Variants in CCDC192 observed in about 807,000 individuals in gnomAD.
CCDC192 encodes the protein coiled-coil domain-containing protein 192.
In CCDC192 at chr5:127,911,459, T is replaced by TC. The variant is rs1301475453; in HGVS notation, c.536-29721dup. Among the ~76,000 whole-genome samples, 11 of 152,332 alleles carry TC rather than the reference T, an allele frequency of 7.2e-5. No homozygotes were observed. In the South Asian group the frequency reaches 1.2e-3, roughly 17 times the overall value. ...GTAATACTAATGGACAAATCCTGCATCCTTTTCTTTGAAGTGATCAAAAGA... is the reference window on the plus strand; with the variant it reads ...GTAATACTAATGGACAAATCCTGCATCCCTTTTCTTTGAAGTGATCAAAAGA... On this transcript the variant is annotated intron_variant, in intron 6 of 6. Coordinates refer to ENST00000514853, the MANE Select transcript of CCDC192 (RefSeq NM_001317938.2).
At chr5:127,879,344 C>A (rs1752252616) in intron 6 of CCDC192, among the ~76,000 whole-genome samples, 1 of 144,128 alleles carries the variant, frequency 6.9e-6, no homozygotes, top group Non-Finnish European at 1.5e-5. Context: ...GGAAAGGATT[C>A]CCTATTTAAT....
chr5:127,805,826 A>T (rs1160872545), intron 5 of CCDC192, among the ~76,000 whole-genome samples: 1 of 152,174 alleles, frequency 6.6e-6, no homozygotes, highest in East Asian at 1.9e-4. Flanking sequence ...TTAGCCCCTC[A>T]TTTTAACCCT....
chr5:127,735,497 G>C (rs1752926229), intron 2 of CCDC192, among the ~76,000 whole-genome samples: 1 of 115,120 alleles, frequency 8.7e-6, no homozygotes, highest in South Asian at 2.8e-4. Context: ...GGATGGCATT[G>C]AATCTGTAAA....
chr5:127,811,691 TC>T (rs1758091815), intron 5 of CCDC192, among the ~76,000 whole-genome samples: 1 of 152,174 alleles, frequency 6.6e-6, no homozygotes. Flanking sequence ...TATCTTTTAC[TC>T]CCCAGTGATA....
At chr5:127,718,554 G>A (rs1360730720) in intron 2 of CCDC192, among the ~76,000 whole-genome samples, 1 of 152,168 alleles carries the variant, frequency 6.6e-6, no homozygotes, top group Non-Finnish European at 1.5e-5. Flanking sequence ...ATGTATAGAA[G>A]GAAGGGAATT....
At chr5:127,815,556 T>C (rs550989048) in intron 5 of CCDC192, among the ~76,000 whole-genome samples, 24 of 151,518 alleles carry the variant, frequency 1.6e-4, no homozygotes, top group African/African-American at 4.9e-4. Context: ...CCCACAGGAG[T>C]CTAAGGAGTT....
At chr5:127,753,147 T>C (rs1754331999) in intron 2 of CCDC192, among the ~76,000 whole-genome samples, 1 of 152,116 alleles carries the variant, frequency 6.6e-6, no homozygotes, top group Admixed American at 6.5e-5. Context: ...CAGTTCATTG[T>C]TTGTGGGGTT....
intron 4 of CCDC192, among the ~76,000 whole-genome samples, chr5:127,797,521 C>T (rs1305655804): frequency 2.6e-5 from 4 of 151,496 alleles, no homozygotes; most frequent in Non-Finnish European, 4.4e-5. Context: ...GTACAAATGT[C>T]TCTTAGTTGT....
At chr5:127,806,651 A>T (rs902193874) in intron 5 of CCDC192, among the ~76,000 whole-genome samples, 1 of 152,086 alleles carries the variant, frequency 6.6e-6, no homozygotes, top group African/African-American at 2.4e-5. Context: ...ATCCCTATTT[A>T]CTTGCTGAAA....
At chr5:127,816,987 A>G (rs1484463746) in intron 5 of CCDC192, among the ~76,000 whole-genome samples, 3 of 152,202 alleles carry the variant, frequency 2.0e-5, no homozygotes, top group Admixed American at 6.6e-5. Flanking sequence ...TTGTCCTTCA[A>G]TATATCTGGA....
At chr5:127,883,681 AAATGTT>A (rs778906917) in intron 6 of CCDC192, among the ~76,000 whole-genome samples, 29 of 152,224 alleles carry the variant, frequency 1.9e-4, no homozygotes, top group Non-Finnish European at 3.4e-4. Context: ...AGATCTCAGG[AAATGTT>A]ACTTCTTCCA....
At chr5:127,869,032 A>C (rs1580774645) in intron 5 of CCDC192, among the ~76,000 whole-genome samples, 1 of 152,300 alleles carries the variant, frequency 6.6e-6, no homozygotes, top group South Asian at 2.1e-4. Context: ...TGCTACAAAA[A>C]TGAAATGAGG....
At chr5:127,738,044 G>C (rs1447365769) in intron 2 of CCDC192, among the ~76,000 whole-genome samples, 1 of 151,860 alleles carries the variant, frequency 6.6e-6, no homozygotes, top group Non-Finnish European at 1.5e-5. Flanking sequence ...CTTACATTTT[G>C]GCATGATTTT....
intron 2 of CCDC192, among the ~76,000 whole-genome samples, chr5:127,735,712 T>A (rs1752944200): frequency 7.7e-6 from 1 of 130,714 alleles, no homozygotes; most frequent in African/African-American, 3.5e-5. Flanking sequence ...AGTTCACTCA[T>A]GATTTGGCTC....
In CCDC192 at chr5:127,937,950, A is replaced by G. The variant is rs994330307; in HGVS notation, c.536-3232A>G. On this transcript the variant is annotated intron_variant, in intron 6 of 6. Transcript: ENST00000514853. ...GAGAGAAAAGATGGAAGGAGAAGTC[A>G]AAGAGGAAGAAGACGTCAGACAGGC... is the stretch of plus-strand genomic sequence containing the variant. 2.0e-5 allele frequency among the ~76,000 whole-genome samples: 3 copies of G among 152,184 alleles called. No homozygotes were observed. In the South Asian group the frequency reaches 6.2e-4, roughly 32 times the overall value.
chr5:127,921,568 A>G (rs1245624242), intron 6 of CCDC192, among the ~76,000 whole-genome samples: 3 of 152,264 alleles, frequency 2.0e-5, no homozygotes, highest in Admixed American at 6.5e-5. Flanking sequence ...ATAAATGCTC[A>G]GAAGTCCAAA....
intron 3 of CCDC192, among the ~76,000 whole-genome samples, chr5:127,788,303 A>G (rs959246148): frequency 1.3e-5 from 2 of 152,080 alleles, no homozygotes; most frequent in Non-Finnish European, 2.9e-5. Context: ...TTTTGACAAC[A>G]TCTATGTGAC....
At chr5:127,714,749 A>G (rs1455243704) in intron 2 of CCDC192, among the ~76,000 whole-genome samples, 3 of 152,256 alleles carry the variant, frequency 2.0e-5, no homozygotes, top group South Asian at 2.1e-4. Flanking sequence ...CTCACCAACA[A>G]TATATAAGGA....
intron 5 of CCDC192, among the ~76,000 whole-genome samples, chr5:127,801,962 G>A (rs1447748244): frequency 2.0e-5 from 3 of 152,156 alleles, no homozygotes; most frequent in Non-Finnish European, 2.9e-5. Flanking sequence ...TCAGTTGGGT[G>A]CCTGTGATTG....
Sources: gnomAD v4.1 joint callset for allele counts (sites outside exome capture counted in the v4.1 genomes callset) on GRCh38, gnomAD v4.1.1 for gene constraint, MANE v1.5 for transcripts, NCBI Gene and HGNC (gene_info 2026-07-23, HGNC 2026-07-21) for gene names.